The following SRP72 variants were observed in gnomAD, a reference collection of about 807,000 sequenced individuals.
SRP72 encodes the protein signal recognition particle subunit SRP72.
In SRP72, 49 loss-of-function variants were observed where a neutral mutation model predicts 96.3. The ratio of observed to expected loss-of-function variants is 0.51; its 90% CI spans 0.40 to 0.65. The LOEUF (loss-of-function observed/expected upper bound fraction) is 0.65. Among genes scored for constraint, SRP72 ranks in the 30% least tolerant of loss-of-function variants. SRP72 has a pLI of 0.00. For missense variants in SRP72, 736 were observed against 793.3 expected (o/e 0.93, Z 0.87); for synonymous variants, 267 against 275.2 (o/e 0.97, Z 0.30).
chr4:56,496,652 C>T (rs1231333082), intron 17 of SRP72, among the ~76,000 whole-genome samples: 1 of 152,040 alleles, frequency 6.6e-6, no homozygotes, highest in Non-Finnish European at 1.5e-5. Context: ...TGTTATCTAT[C>T]ATTATAGAGT....
At position 56,503,483 on chromosome 4, in the gene SRP72, TAA is replaced by T. The variant is rs989995067; in HGVS notation, c.*1623_*1624del. ...GCAACTAAAACTTCATCAGTTCAAA[TAA>T]GTTTTAATTGTCAAATGAAGTATAA... On this transcript the variant is annotated 3_prime_UTR_variant, in exon 19 of 19. Transcript: ENST00000642900. The T allele has an allele frequency of 1.3e-5, 2 of 152,242 alleles. No individual in the cohort carries two copies. Among genetic ancestry groups the T allele is most frequent in the Admixed American group, 1.3e-4 (2 of 15,280 alleles). The allele number at this position is 152,242 out of a possible 1,614,324, so 9.4% of individuals were successfully genotyped here.
At position 56,482,497 on chromosome 4, in the gene SRP72, C is replaced by CT. The variant is rs1350576824; in HGVS notation, c.826-640dup. On this transcript the variant is annotated intron_variant, in intron 8 of 18. Coordinates refer to ENST00000642900, the MANE Select transcript of SRP72 (RefSeq NM_006947.4). ...TTTTCAGACATAATGCTGTTGCACACTTAATAGACAACAATATAGTGTAAA... is the reference window on the plus strand; with the variant it reads ...TTTTCAGACATAATGCTGTTGCACACTTTAATAGACAACAATATAGTGTAAA... 1.8e-4 allele frequency among the ~76,000 whole-genome samples: 28 copies of CT among 151,930 alleles called. 2 individuals carry two copies. The highest frequency in any genetic ancestry group is 1.2e-3 in the Admixed American group (18 of 15,260).
chr4:56,501,458 G>A (rs1721259371), intron 18 of SRP72, among the ~76,000 whole-genome samples: 1 of 152,012 alleles, frequency 6.6e-6, no homozygotes, highest in African/African-American at 2.4e-5. Flanking sequence ...TATTTTCTAC[G>A]CTTTCTAAAA....
chr4:56,503,084 TTGACTC>T lies in SRP72; in HGVS notation c.*1227_*1232del, dbSNP rs886059502. On this transcript the variant is annotated 3_prime_UTR_variant, in exon 19 of 19. Coordinates refer to ENST00000642900, the MANE Select transcript of SRP72 (RefSeq NM_006947.4). The stretch of plus-strand genomic sequence containing the variant: ...CCTTGTTAATAAAGTGCTGCTGTGT[TTGACTC>T]TGAACATACTACCAAAACTTCTTCA... 2 of 152,230 alleles carry T rather than the reference TTGACTC, an allele frequency of 1.3e-5. No individual in the cohort carries two copies. Among genetic ancestry groups the T allele is most frequent in the Non-Finnish European group, 2.9e-5 (2 of 68,040 alleles). 9.4% of individuals were successfully genotyped at this position (152,230 alleles called of 1,614,324 possible).
At chr4:56,483,403 C>A in intron 9 of SRP72, 133 bp downstream of exon 9, 1 of 873,380 alleles carries the variant, frequency 1.1e-6, no homozygotes, top group Non-Finnish European at 1.7e-6. Context: ...TATTTTTTTG[C>A]CTTCCTCAAA....
At chr4:56,475,788 C>T (rs1720193242) in intron 5 of SRP72, 1 of 152,082 alleles carries the variant, frequency 6.6e-6, no homozygotes, top group African/African-American at 2.4e-5. Flanking sequence ...TTTAAATTTA[C>T]CTACCCTTTG....
intron 16 of SRP72, among the ~76,000 whole-genome samples, chr4:56,493,060 C>T (rs1193332225): frequency 2.0e-5 from 3 of 152,052 alleles, no homozygotes; most frequent in Non-Finnish European, 4.4e-5. Flanking sequence ...TTTTTTGAGA[C>T]GGAGTCTTGC....
chr4:56,497,069 T>C (rs1269581338), intron 17 of SRP72, among the ~76,000 whole-genome samples: 1 of 152,178 alleles, frequency 6.6e-6, no homozygotes, highest in Non-Finnish European at 1.5e-5. Flanking sequence ...GAATCAAACG[T>C]ATCATTAGGT....
intron 18 of SRP72, 70 bp downstream of exon 18, chr4:56,500,765 G>C: frequency 7.1e-7 from 1 of 1,401,986 alleles, no homozygotes; most frequent in Non-Finnish European, 9.6e-7. Context: ...AAGGCTATTA[G>C]TGAGAATTTG....
intron 6 of SRP72, among the ~76,000 whole-genome samples, chr4:56,477,342 TCACCCAGGCTGGA>T (rs1720284636): frequency 7.0e-6 from 1 of 142,342 alleles, no homozygotes. Flanking sequence ...TCTTGCTGTT[TCACCCAGGCTGGA>T]TTGCTGTGAT....
chr4:56,473,806 C>T (rs1382114956), intron 3 of SRP72, among the ~76,000 whole-genome samples: 1 of 151,972 alleles, frequency 6.6e-6, no homozygotes, highest in Non-Finnish European at 1.5e-5. Context: ...TGACTTTTCT[C>T]AACTGAATCC....
chr4:56,479,025 T>C (rs1394271343), intron 8 of SRP72, among the ~76,000 whole-genome samples: 2 of 152,098 alleles, frequency 1.3e-5, no homozygotes, highest in African/African-American at 4.8e-5. Context: ...CTTTATATAA[T>C]TTTCTCTCGG....
At chr4:56,491,308 T>C in intron 15 of SRP72, 123 bp from the exon 16 acceptor site, 1 of 1,159,520 alleles carries the variant, frequency 8.6e-7, no homozygotes, top group Non-Finnish European at 1.2e-6. Context: ...TTTTTTGCTT[T>C]TGTTGAAGGT....
At chr4:56,471,606 C>G in intron 2 of SRP72, 114 bp from the exon 3 acceptor site, 1 of 1,225,436 alleles carries the variant, frequency 8.2e-7, no homozygotes. Flanking sequence ...TAACCTTTGT[C>G]AGTTTTCTCA....
At chr4:56,474,824 A>C (rs1210494975) in intron 5 of SRP72, among the ~76,000 whole-genome samples, 2 of 152,198 alleles carry the variant, frequency 1.3e-5, no homozygotes, top group African/African-American at 4.8e-5. Context: ...AGCTGGGATC[A>C]CAGGCGCATG....
In SRP72 at chr4:56,500,616, C is replaced by T. The variant is rs773865461; in HGVS notation, c.1759C>T (p.Arg587Trp). Residue 587 changes from arginine to tryptophan, a missense_variant, in exon 18 of 19, where the codon CGG becomes TGG. Arg to Trp is a moderately radical substitution (Grantham distance 101). This residue lies in a region of SRP72 where 388 missense variants were observed against 431.8 expected (regional missense o/e 0.90). Coordinates refer to ENST00000642900, the MANE Select transcript of SRP72 (RefSeq NM_006947.4). Reference protein sequence around the residue: ...WLPMRERSYYRGRKKGKKKDQ... With the variant: ...WLPMRERSYYWGRKKGKKKDQ... The stretch of plus-strand genomic sequence containing the variant: ...GCCAATGCGAGAACGTTCTTACTAC[C>T]GGGGAAGAAAGAAGGGTAAAAAGAA... The T allele has an allele frequency of 3.7e-6, 6 of 1,613,812 alleles. No individual in the cohort carries two copies. Among genetic ancestry groups the T allele is most frequent in the South Asian group, 2.2e-5 (2 of 91,048 alleles).
At chr4:56,473,735 A>G (rs895093034) in intron 3 of SRP72, among the ~76,000 whole-genome samples, 1 of 152,054 alleles carries the variant, frequency 6.6e-6, no homozygotes, top group African/African-American at 2.4e-5. Flanking sequence ...ATTGCTCTCC[A>G]GTCTAGGCAA....
At chr4:56,472,190 TGATA>T (rs1280875316) in intron 3 of SRP72, among the ~76,000 whole-genome samples, 4 of 152,152 alleles carry the variant, frequency 2.6e-5, no homozygotes, top group Non-Finnish European at 4.4e-5. Context: ...AAGGATGTCA[TGATA>T]GATAAGAATT....
rs1720912750 is a variant in SRP72, at chr4:56,491,655, A to T, written c.1640+87A>T. On this transcript the variant is annotated intron_variant, in intron 16 of 18. Coordinates refer to ENST00000642900, the MANE Select transcript of SRP72 (RefSeq NM_006947.4). ...TACATTCTCATAGAAATTTCATGTG[A>T]ATAAAGTTCTAGTTCTCTTTGTTCC... 2.3e-6 allele frequency: 3 copies of T among 1,331,576 alleles called. No individual in the cohort carries two copies. In the African/African-American group the frequency reaches 4.4e-5, roughly 19 times the overall value. 82.5% of individuals were successfully genotyped at this position (1,331,576 alleles called of 1,614,324 possible).
Sources: allele counts gnomAD v4.1 joint callset (sites outside exome capture counted in the v4.1 genomes callset), GRCh38; gene constraint gnomAD v4.1.1; regional missense constraint gnomAD v4.1.1; transcripts MANE v1.5; gene names NCBI Gene and HGNC (gene_info 2026-07-23, HGNC 2026-07-21).